CRY2: variants seen among roughly 807,000 people sequenced by gnomAD.
CRY2 encodes cryptochrome-2.
A neutral mutation model predicts 69.5 loss-of-function variants in CRY2; 31 were observed. The observed-to-expected ratio is 0.45, with a 90% confidence interval of 0.34 to 0.60. The LOEUF (loss-of-function observed/expected upper bound fraction) is 0.60, where lower values mean the gene tolerates loss of function less well. CRY2 is among the 20% of genes least tolerant of loss of function. The pLI is 0.02. For synonymous variants in CRY2, 303 were observed against 312.2 expected, an observed-to-expected ratio of 0.97 and a Z score of 0.31; for missense variants, 606 against 797.8, an observed-to-expected ratio of 0.76 and a Z score of 2.90.
chr11:45,855,854 C>T (rs374369198), intron 1 of CRY2, 128 bp from the exon 2 acceptor site: 9 of 824,052 alleles, frequency 1.1e-5, no homozygotes, highest in Non-Finnish European at 1.5e-5. Context: ...ACCCAGGCCT[C>T]TCCAGCCCTA....
chr11:45,867,588 T>C, intron 5 of CRY2, 24 bp from the exon 6 acceptor site: 1 of 1,613,964 alleles, frequency 6.2e-7, no homozygotes, highest in Non-Finnish European at 8.5e-7. Context: ...CCTTTCCTTT[T>C]GCCACCTTCT....
At chr11:45,861,901 T>G (rs1415891591) in intron 4 of CRY2, 159 bp from the exon 5 acceptor site, 4 of 635,670 alleles carry the variant, frequency 6.3e-6, no homozygotes, top group African/African-American at 5.6e-5. Context: ...GAGAACCAAG[T>G]TGACCTAGAA....
chr11:45,873,975 T>A (rs1360816042), intron 11 of CRY2, among the ~76,000 whole-genome samples: 1 of 152,182 alleles, frequency 6.6e-6, no homozygotes, highest in African/African-American at 2.4e-5. Flanking sequence ...AGGTTGCTGT[T>A]GCAAGAATTA....
At chr11:45,855,237 TG>T (rs1476218471) in intron 1 of CRY2, among the ~76,000 whole-genome samples, 4 of 143,176 alleles carry the variant, frequency 2.8e-5, no homozygotes, top group Non-Finnish European at 4.5e-5. Flanking sequence ...GATGAGAACC[TG>T]ATCACCAGAG....
At chr11:45,856,535 G>A (rs368554284) in intron 2 of CRY2, among the ~76,000 whole-genome samples, 7 of 152,204 alleles carry the variant, frequency 4.6e-5, no homozygotes, top group African/African-American at 7.2e-5. Flanking sequence ...GGTGGCTCAC[G>A]CCTGTAATCC....
chr11:45,879,260 C>A (rs1015693106), intron 11 of CRY2, among the ~76,000 whole-genome samples: 7 of 151,990 alleles, frequency 4.6e-5, no homozygotes, highest in African/African-American at 1.7e-4. Context: ...ACACACAGTA[C>A]TGACCTATAC....
chr11:45,860,064 C>A (rs560966214), intron 3 of CRY2, among the ~76,000 whole-genome samples: 1 of 152,166 alleles, frequency 6.6e-6, no homozygotes, highest in African/African-American at 2.4e-5. Flanking sequence ...TACTTCTTGG[C>A]CAAGAAGAGC....
intron 3 of CRY2, 96 bp from the exon 4 acceptor site, chr11:45,860,752 C>T (rs1256188226): frequency 9.9e-6 from 14 of 1,420,022 alleles, no homozygotes. Flanking sequence ...GAAAGCCACC[C>T]TCAAAGCCTT....
intron 2 of CRY2, among the ~76,000 whole-genome samples, chr11:45,857,330 G>T (rs987273423): frequency 9.2e-5 from 14 of 152,164 alleles, no homozygotes; most frequent in Non-Finnish European, 1.6e-4. Flanking sequence ...TGGTTGTGAA[G>T]TTAATAAGTG....
At chr11:45,862,658 G>A (rs1211893708) in intron 5 of CRY2, among the ~76,000 whole-genome samples, 1 of 152,184 alleles carries the variant, frequency 6.6e-6, no homozygotes, top group East Asian at 1.9e-4. Flanking sequence ...CTGTGGGCAG[G>A]TTCCCCCTAC....
intron 2 of CRY2, among the ~76,000 whole-genome samples, chr11:45,857,017 C>A (rs2086245564): frequency 1.3e-5 from 2 of 152,188 alleles, no homozygotes; most frequent in African/African-American, 4.8e-5. Context: ...TGCCATCACC[C>A]TCAGCAGCAC....
intron 11 of CRY2, among the ~76,000 whole-genome samples, chr11:45,880,675 G>A (rs951783205): frequency 2.6e-5 from 4 of 152,200 alleles, no homozygotes; most frequent in African/African-American, 7.2e-5. Flanking sequence ...GCCCTGGGTG[G>A]AGGGCCTGCA....
upstream of CRY2, chr11:45,847,243 T>C (rs1356855629): frequency 7.1e-6 from 11 of 1,551,134 alleles, no homozygotes; most frequent in East Asian, 1.5e-4. Flanking sequence ...CTGCGTCACT[T>C]GTCCGCATGC....
intron 9 of CRY2, 138 bp from the exon 10 acceptor site, chr11:45,870,704 T>C (rs958633580): frequency 7.3e-6 from 8 of 1,090,530 alleles, no homozygotes; most frequent in Non-Finnish European, 1.1e-5. Flanking sequence ...CCTTCCTGAG[T>C]AGTTGTGGGG....
intron 3 of CRY2, 52 bp from the exon 4 acceptor site, chr11:45,860,796 C>T (rs1336625568): frequency 6.3e-7 from 1 of 1,580,980 alleles, no homozygotes; most frequent in Admixed American, 1.8e-5. Flanking sequence ...TGGGCAGGGA[C>T]CCACATCACA....
At chr11:45,878,431 CAGA>C (rs1590774775) in intron 11 of CRY2, among the ~76,000 whole-genome samples, 1 of 152,172 alleles carries the variant, frequency 6.6e-6, no homozygotes, top group East Asian at 1.9e-4. Context: ...TTTTCTATTT[CAGA>C]AGAATAGCCA....
intron 11 of CRY2, among the ~76,000 whole-genome samples, chr11:45,878,272 AG>A (rs1388972460): frequency 6.6e-6 from 1 of 152,226 alleles, no homozygotes; most frequent in African/African-American, 2.4e-5. Context: ...CTTAAGGCCC[AG>A]GAACCCCAGA....
intron 2 of CRY2, among the ~76,000 whole-genome samples, chr11:45,856,797 A>G (rs1192299453): frequency 6.8e-6 from 1 of 147,916 alleles, no homozygotes. Context: ...CTCCGTCTCA[A>G]AAAAAAAAAA....
chr11:45,872,142 G>A lies in CRY2; in HGVS notation c.1693G>A (p.Ala565Thr). The A allele has an allele frequency of 1.9e-6, 3 of 1,614,158 alleles. No homozygotes were observed. The highest frequency in any genetic ancestry group is 2.5e-6 in the Non-Finnish European group (3 of 1,180,014). The change falls in exon 11 of 12, where the codon GCA becomes ACA. Residue 565 changes from alanine to threonine, a missense_variant. Ala to Thr is a moderately conservative substitution (Grantham distance 58). This residue lies in a region of CRY2 where 173 missense variants were observed against 213.7 expected (regional missense o/e 0.81). Coordinates refer to ENST00000616080, the MANE Select transcript of CRY2 (RefSeq NM_021117.5). ...GPASPKRKLE[A>T]AEEPPGEELS... ...AGCATCCCCCAAACGCAAGCTGGAA[G>A]CAGCCGAGGAACCACCTGGTGAAGA...
Sources: allele counts gnomAD v4.1 joint callset (sites outside exome capture counted in the v4.1 genomes callset), GRCh38; gene constraint gnomAD v4.1.1; regional missense constraint gnomAD v4.1.1; transcripts MANE v1.5; gene names NCBI Gene and HGNC (gene_info 2026-07-23, HGNC 2026-07-21).